SLC2A9: variants seen among roughly 807,000 people sequenced by gnomAD.
SLC2A9 encodes solute carrier family 2, facilitated glucose transporter member 9.
In SLC2A9, 39 loss-of-function variants were observed where a neutral mutation model predicts 50.6. The observed-to-expected ratio is 0.77, with a 90% CI of 0.60 to 1.01. The LOEUF (loss-of-function observed/expected upper bound fraction) is 1.01. Among genes scored for constraint, SLC2A9 ranks in the 50% least tolerant of loss-of-function variants. The pLI is 0.00. For missense variants in SLC2A9, 686 were observed against 677.6 expected (o/e 1.01, Z -0.14); for synonymous variants, 324 against 276.9 (o/e 1.17, Z -1.69).
intron 6 of SLC2A9, among the ~76,000 whole-genome samples, chr4:9,937,778 C>G (rs1231502860): frequency 6.6e-6 from 1 of 152,216 alleles, no homozygotes; most frequent in Admixed American, 6.5e-5. Flanking sequence ...CTGATCACCC[C>G]GTGGCCTCCT....
At chr4:9,918,773 C>T (rs1422841748) in intron 7 of SLC2A9, among the ~76,000 whole-genome samples, 1 of 152,166 alleles carries the variant, frequency 6.6e-6, no homozygotes, top group Non-Finnish European at 1.5e-5. Context: ...AGCCAGGCCT[C>T]TGACTCTTGG....
chr4:9,881,218 A>C (rs1338115342), intron 10 of SLC2A9, among the ~76,000 whole-genome samples: 2 of 152,222 alleles, frequency 1.3e-5, no homozygotes, highest in Non-Finnish European at 2.9e-5. Flanking sequence ...ACTTGGCTGC[A>C]CCTTGGAATC....
intron 2 of SLC2A9, among the ~76,000 whole-genome samples, chr4:10,010,098 C>A (rs1761510377): frequency 6.6e-6 from 1 of 152,144 alleles, no homozygotes; most frequent in Non-Finnish European, 1.5e-5. Context: ...GGCTTTGAGC[C>A]AAGTGACATC....
At chr4:9,958,498 G>A (rs1751692582) in intron 5 of SLC2A9, among the ~76,000 whole-genome samples, 2 of 152,250 alleles carry the variant, frequency 1.3e-5, no homozygotes, top group South Asian at 2.1e-4. Flanking sequence ...TGTTGGAGGT[G>A]AGGCCTAAGG....
At chr4:9,980,760 C>T (rs374047949) in intron 4 of SLC2A9, 23 bp from the exon 5 acceptor site, 10 of 1,614,040 alleles carry the variant, frequency 6.2e-6, no homozygotes, top group African/African-American at 4.0e-5. Context: ...AGCATAGCAG[C>T]AGTTAGAGAG....
upstream of SLC2A9, among the ~76,000 whole-genome samples, chr4:10,024,444 GAC>G (rs1197680134): frequency 2.6e-5 from 4 of 152,178 alleles, no homozygotes; most frequent in African/African-American, 9.7e-5. Flanking sequence ...AGGAAATGAG[GAC>G]ACAGACACAC....
At chr4:9,781,940 C>T (rs1194150713) in intron 3 of SLC2A9, 152 of 1,148,698 alleles carry the variant, frequency 1.3e-4, no homozygotes, top group Non-Finnish European at 1.7e-4. Flanking sequence ...GCTGAGGGGG[C>T]GCATCCTCGG....
chr4:9,875,242 T>C (rs965935944), intron 10 of SLC2A9, among the ~76,000 whole-genome samples: 3 of 147,958 alleles, frequency 2.0e-5, no homozygotes, highest in Non-Finnish European at 4.5e-5. Flanking sequence ...ACTCTCTGTC[T>C]AAGATGGGAT....
At chr4:9,832,172 A>C (rs896647152) in intron 11 of SLC2A9, among the ~76,000 whole-genome samples, 2 of 152,212 alleles carry the variant, frequency 1.3e-5, no homozygotes, top group African/African-American at 4.8e-5. Context: ...GAGGTAGGTC[A>C]GAAATGGTTC....
intron 5 of SLC2A9, among the ~76,000 whole-genome samples, chr4:9,944,386 T>C (rs1451409156): frequency 2.0e-5 from 3 of 152,244 alleles, no homozygotes; most frequent in Non-Finnish European, 4.4e-5. Context: ...AGTGGGTATG[T>C]TTCACATTGC....
At chr4:9,946,006 A>T (rs1383446312) in intron 5 of SLC2A9, among the ~76,000 whole-genome samples, 1 of 152,138 alleles carries the variant, frequency 6.6e-6, no homozygotes, top group Non-Finnish European at 1.5e-5. Context: ...AAAACCGCAT[A>T]TTACTCGCCT....
Position 9,800,139 on chromosome 4 carries a change from C to T in SLC2A9, n.421-898G>A, listed in dbSNP as rs530310960. 1.5e-4 allele frequency among the ~76,000 whole-genome samples: 23 copies of T among 152,270 alleles called. 1 individual carries two copies. The highest frequency in any genetic ancestry group is 1.3e-3 in the Admixed American group (20 of 15,304). On this transcript the variant is annotated intron_variant and non_coding_transcript_variant, in intron 3 of 3. Transcript: ENST00000503280. ...CCATTTCTCCCAGGAAAGGGCCTGC[C>T]TCAGTATCCCTGCCAAGCTCAGTTA...
chr4:9,833,789 G>A (rs1386971535), intron 11 of SLC2A9, among the ~76,000 whole-genome samples: 1 of 152,168 alleles, frequency 6.6e-6, no homozygotes, highest in Non-Finnish European at 1.5e-5. Context: ...GATTGAAATA[G>A]CTCCTGAGAA....
chr4:9,788,081 T>A (rs1357783518), intron 3 of SLC2A9, among the ~76,000 whole-genome samples: 1 of 152,136 alleles, frequency 6.6e-6, no homozygotes, highest in Non-Finnish European at 1.5e-5. Context: ...ATAGTGTTTT[T>A]AAAAAAAATT....
At chr4:9,953,867 C>A (rs542458005) in intron 5 of SLC2A9, among the ~76,000 whole-genome samples, 1 of 152,162 alleles carries the variant, frequency 6.6e-6, no homozygotes, top group Non-Finnish European at 1.5e-5. Context: ...TGGAGTGCAA[C>A]GGCAACATCT....
At chr4:9,911,776 G>T (rs1028977707) in intron 7 of SLC2A9, among the ~76,000 whole-genome samples, 4 of 152,210 alleles carry the variant, frequency 2.6e-5, no homozygotes, top group Non-Finnish European at 5.9e-5. Flanking sequence ...AATCATCCAG[G>T]ACAGCACCTG....
intron 5 of SLC2A9, among the ~76,000 whole-genome samples, chr4:9,977,781 T>G (rs549076077): frequency 5.3e-5 from 8 of 152,208 alleles, no homozygotes; most frequent in African/African-American, 1.9e-4. Flanking sequence ...TATTTTCCTA[T>G]TACCTGTGGC....
Position 9,832,682 on chromosome 4 carries a change from T to G in SLC2A9, c.1419+2199A>C, listed in dbSNP as rs371008903. ...AACAAAACAAAGAATTGATTCCAGT[T>G]TTTAGAAATACAAAAAATTATCTAG... On this transcript the variant is annotated intron_variant, in intron 11 of 11. Transcript: ENST00000264784. Among the ~76,000 whole-genome samples, 12 of 152,244 alleles carry G rather than the reference T, an allele frequency of 7.9e-5. No homozygotes were observed. The East Asian group carries it at 1.9e-3, about 25-fold the overall frequency.
chr4:10,037,707 G>A (rs146808983), intron 1 of SLC2A9, among the ~76,000 whole-genome samples: 26,315 of 152,140 alleles, frequency 0.17, 2,488 homozygotes, highest in Non-Finnish European at 0.21. Flanking sequence ...CCAGCACTAT[G>A]GAAGGCCAAG....
Sources: allele counts gnomAD v4.1 joint callset (sites outside exome capture counted in the v4.1 genomes callset), GRCh38; gene constraint gnomAD v4.1.1; transcripts MANE v1.5; gene names NCBI Gene and HGNC (gene_info 2026-07-23, HGNC 2026-07-21).